SLC26A7: variants seen among roughly 807,000 people sequenced by gnomAD.
The protein encoded by SLC26A7 is anion exchange transporter.
In SLC26A7, 59 loss-of-function variants were observed where a neutral mutation model predicts 82.5. That is an observed-to-expected ratio of 0.72 (90% CI 0.58 to 0.89). The LOEUF is 0.89. Among genes scored for constraint, SLC26A7 ranks in the 40% least tolerant of loss-of-function variants. The pLI is 0.00. For synonymous variants in SLC26A7, 271 were observed against 274.3 expected (o/e 0.99, Z 0.12); for missense variants, 820 against 793.0 (o/e 1.03, Z -0.41).
intron 9 of SLC26A7, among the ~76,000 whole-genome samples, chr8:91,343,705 T>C (rs1258461627): frequency 6.6e-6 from 1 of 152,236 alleles, no homozygotes; most frequent in Non-Finnish European, 1.5e-5. Flanking sequence ...AGCTTTATGG[T>C]TAGCAACCTT....
chr8:91,345,628 G>A (rs763472574), intron 9 of SLC26A7, among the ~76,000 whole-genome samples: 10 of 152,076 alleles, frequency 6.6e-5, no homozygotes, highest in Non-Finnish European at 1.2e-4. Context: ...TCCTGGTATG[G>A]TCAAGATGCA....
At chr8:91,320,894 A>G (rs1034090547) in intron 5 of SLC26A7, among the ~76,000 whole-genome samples, 2 of 152,218 alleles carry the variant, frequency 1.3e-5, no homozygotes, top group East Asian at 1.9e-4. Flanking sequence ...TATTCTTGGA[A>G]CATAAATTGG....
intron 5 of SLC26A7, among the ~76,000 whole-genome samples, chr8:91,320,353 C>T (rs1350986183): frequency 2.6e-5 from 4 of 152,156 alleles, no homozygotes; most frequent in African/African-American, 9.7e-5. Flanking sequence ...TTTAAATTCA[C>T]ATTACTCAGT....
At chr8:91,216,193 C>T (rs1810043619) in intron 1 of SLC26A7, among the ~76,000 whole-genome samples, 1 of 152,114 alleles carries the variant, frequency 6.6e-6, no homozygotes, top group Admixed American at 6.6e-5. Context: ...AAAAATCTCA[C>T]CAAAATATTC....
chr8:91,387,617 TCTC>T (rs1248546523), intron 15 of SLC26A7, among the ~76,000 whole-genome samples: 3 of 137,282 alleles, frequency 2.2e-5, no homozygotes, highest in Non-Finnish European at 4.6e-5. Flanking sequence ...CTACATTACT[TCTC>T]CTTTTTGGAA....
chr8:91,295,784 G>A, intron 4 of SLC26A7, 81 bp downstream of exon 4: 1 of 1,417,204 alleles, frequency 7.1e-7, no homozygotes, highest in Admixed American at 2.2e-5. Flanking sequence ...TTTTATTCTT[G>A]TTCATGAATT....
intron 15 of SLC26A7, among the ~76,000 whole-genome samples, chr8:91,375,542 T>C (rs2130887306): frequency 6.6e-6 from 1 of 152,176 alleles, no homozygotes; most frequent in East Asian, 1.9e-4. Flanking sequence ...TCAAGAAGGC[T>C]AAAAACAGAC....
rs568410385 is a variant in SLC26A7 at position 91,249,855 on chromosome 8, G to C, written c.193+11G>C. 4.4e-6 allele frequency: 7 copies of C among 1,586,884 alleles called. No individual in the cohort carries two copies. In the African/African-American group the frequency reaches 8.1e-5, roughly 18 times the overall value. ...AACAGGTGACCCAAGGTAATGTATT[G>C]CATTTGAGTTTCCTGTATTATGCAG... On this transcript the variant is annotated intron_variant, in intron 2 of 18. Coordinates refer to ENST00000276609, the MANE Select transcript of SLC26A7 (RefSeq NM_052832.4).
chr8:91,297,445 T>A (rs1453853909), intron 4 of SLC26A7, among the ~76,000 whole-genome samples: 1 of 152,076 alleles, frequency 6.6e-6, no homozygotes, highest in African/African-American at 2.4e-5. Context: ...CGAATGAAAC[T>A]CCCTAGAATT....
rs569127962 is a variant in SLC26A7 at position 91,319,223 on chromosome 8, T to G, written c.642+843T>G. 5.6e-4 allele frequency among the ~76,000 whole-genome samples: 86 copies of G among 152,302 alleles called. 1 individual carries two copies. In the South Asian group the frequency reaches 0.017, roughly 30 times the overall value. ...CGTGAGGATCCTCTTTATTTGCATA[T>G]TATTCTCTGCACCAAACAAACATTG... On this transcript the variant is annotated intron_variant, in intron 5 of 18. Coordinates refer to ENST00000276609, the MANE Select transcript of SLC26A7 (RefSeq NM_052832.4).
intron 16 of SLC26A7, 83 bp from the exon 17 acceptor site, chr8:91,393,714 T>A (rs773642926): frequency 6.9e-7 from 1 of 1,458,434 alleles, no homozygotes; most frequent in Non-Finnish European, 9.5e-7. Context: ...TTAAAGAAAG[T>A]TTGATTTCTT....
chr8:91,239,421 T>A (rs1810443308), intron 2 of SLC26A7, among the ~76,000 whole-genome samples: 1 of 145,140 alleles, frequency 6.9e-6, no homozygotes, highest in South Asian at 2.2e-4. Flanking sequence ...TGTATATGTA[T>A]ATATATGTAT....
At chr8:91,278,231 A>G (rs1022923640) in intron 2 of SLC26A7, among the ~76,000 whole-genome samples, 1 of 112,926 alleles carries the variant, frequency 8.9e-6, no homozygotes, top group Admixed American at 8.5e-5. Flanking sequence ...ACGGCTCCAG[A>G]AAAAAAAAAG....
At chr8:91,275,675 G>A (rs766594596) in intron 2 of SLC26A7, among the ~76,000 whole-genome samples, 1 of 152,060 alleles carries the variant, frequency 6.6e-6, no homozygotes, top group Non-Finnish European at 1.5e-5. Flanking sequence ...TTAGCTTATT[G>A]TGCATAAACT....
chr8:91,372,000 C>T (rs892952551), intron 15 of SLC26A7, among the ~76,000 whole-genome samples: 60 of 152,116 alleles, frequency 3.9e-4, no homozygotes, highest in African/African-American at 1.4e-3. Context: ...TGATGTTGAG[C>T]ATTTTTCATG....
intron 2 of SLC26A7, among the ~76,000 whole-genome samples, chr8:91,251,523 T>A (rs551072642): frequency 1.3e-5 from 2 of 152,230 alleles, no homozygotes; most frequent in South Asian, 4.1e-4. Context: ...TTAAAAACAA[T>A]TTTCTCAAAC....
In SLC26A7 at chr8:91,297,597, C is replaced by T. The variant is rs116275571; in HGVS notation, c.477+1894C>T. Among the ~76,000 whole-genome samples, 371 of 152,186 alleles carry T rather than the reference C, an allele frequency of 2.4e-3. 2 individuals carry two copies. Among genetic ancestry groups the T allele is most frequent in the African/African-American group, 8.4e-3 (350 of 41,512 alleles). ...AGCATCTGCTTTTCTTCCTCTTTAG[C>T]TCTGATCTTGGATATGTGACTTACG... On this transcript the variant is annotated intron_variant, in intron 4 of 18. Coordinates refer to ENST00000276609, the MANE Select transcript of SLC26A7 (RefSeq NM_052832.4).
intron 2 of SLC26A7, among the ~76,000 whole-genome samples, chr8:91,239,834 A>G (rs1314974170): frequency 6.6e-6 from 1 of 152,212 alleles, no homozygotes; most frequent in Non-Finnish European, 1.5e-5. Context: ...ATCACAGGAG[A>G]AAAGGAAAAC....
chr8:91,273,091 T>C (rs1302328999), intron 2 of SLC26A7, among the ~76,000 whole-genome samples: 1 of 152,144 alleles, frequency 6.6e-6, no homozygotes, highest in Non-Finnish European at 1.5e-5. Flanking sequence ...GGTGACTGGA[T>C]GGGTGGTGAT....
Sources: gnomAD v4.1 joint callset for allele counts (sites outside exome capture counted in the v4.1 genomes callset) on GRCh38, gnomAD v4.1.1 for gene constraint, MANE v1.5 for transcripts, NCBI Gene and HGNC (gene_info 2026-07-23, HGNC 2026-07-21) for gene names.